CPSF4L: variants seen among roughly 807,000 people sequenced by gnomAD.
CPSF4L encodes the protein cleavage and polyadenylation specific factor 4 like.
In CPSF4L, 18 loss-of-function variants were observed where a neutral mutation model predicts 24.0. The observed-to-expected ratio is 0.75, with a 90% confidence interval of 0.52 to 1.11. The LOEUF (loss-of-function observed/expected upper bound fraction) is 1.11, where lower values mean the gene tolerates loss of function less well. CPSF4L is among the 50% of genes least tolerant of loss of function. The pLI, the probability that CPSF4L is intolerant of heterozygous loss-of-function variation, is 0.00. For missense variants in CPSF4L, 211 were observed against 221.8 expected (o/e 0.95, Z 0.31); for synonymous variants, 72 against 77.2 (o/e 0.93, Z 0.35).
At chr17:73,263,430 G>A (rs1419311972), upstream of CPSF4L, among the ~76,000 whole-genome samples, 4 of 152,146 alleles carry the variant, frequency 2.6e-5, no homozygotes, top group African/African-American at 7.2e-5. Context: ...ATGGAGGCAT[G>A]AGGGGCCCAG....
At chr17:73,253,334 T>A (rs545912721) in intron 4 of CPSF4L, among the ~76,000 whole-genome samples, 1 of 152,332 alleles carries the variant, frequency 6.6e-6, no homozygotes, top group South Asian at 2.1e-4. Context: ...CACTCCAACC[T>A]GGGTGATAGA....
At chr17:73,260,909 G>A in intron 2 of CPSF4L, 24 bp downstream of exon 2, 3 of 1,547,400 alleles carry the variant, frequency 1.9e-6, no homozygotes, top group South Asian at 1.2e-5. Flanking sequence ...CCAGCTTGGG[G>A]CCCAGGCCTG....
At chr17:73,249,104 G>A (rs892152728) in intron 5 of CPSF4L, among the ~76,000 whole-genome samples, 13 of 152,222 alleles carry the variant, frequency 8.5e-5, no homozygotes, top group Middle Eastern at 6.8e-3. Context: ...CAGACATTTG[G>A]TGAGATTAGA....
chr17:73,260,987 G>C lies in CPSF4L; in HGVS notation c.104-4C>G. ...TTGCACACAGCTGAGGCCGACTCTG[G>C]AAGGAGAAGAGGGAACGGAGAAGGT... On this transcript the variant is annotated splice_polypyrimidine_tract_variant and splice_region_variant and intron_variant, in intron 1 of 5. Transcript: ENST00000344935. 6.5e-7 allele frequency: 1 copy of C among 1,549,850 alleles called. No homozygotes were observed. The highest frequency in any genetic ancestry group is 8.7e-7 in the Non-Finnish European group (1 of 1,145,824).
chr17:73,259,125 C>A (rs377485652), intron 2 of CPSF4L, among the ~76,000 whole-genome samples: 1 of 151,832 alleles, frequency 6.6e-6, no homozygotes, highest in African/African-American at 2.4e-5. Flanking sequence ...ACTGTAGCCT[C>A]AACCTCCTAG....
At chr17:73,253,816 T>C in intron 4 of CPSF4L, 115 bp downstream of exon 4, 1 of 625,226 alleles carries the variant, frequency 1.6e-6, no homozygotes, top group Non-Finnish European at 2.8e-6. Context: ...AGAAAGGCCT[T>C]CTATTTGGGG....
chr17:73,257,950 T>C (rs2062030023), intron 2 of CPSF4L, 117 bp from the exon 3 acceptor site: 3 of 1,073,388 alleles, frequency 2.8e-6, no homozygotes, highest in Admixed American at 4.9e-5. Flanking sequence ...GCTGTCCCCT[T>C]ATCCCTTCAC....
chr17:73,259,850 C>A (rs186008922), intron 2 of CPSF4L, among the ~76,000 whole-genome samples: 1 of 152,206 alleles, frequency 6.6e-6, no homozygotes. Context: ...TAAACTCTCA[C>A]ACCAGTGAGA....
chr17:73,260,898 C>T (rs2062042446), intron 2 of CPSF4L, 35 bp downstream of exon 2: 4 of 1,541,268 alleles, frequency 2.6e-6, no homozygotes, highest in Middle Eastern at 1.7e-4. Context: ...CCTACACTCA[C>T]CCAGCTTGGG....
At chr17:73,261,119 G>A in intron 1 of CPSF4L, 136 bp from the exon 2 acceptor site, 1 of 679,726 alleles carries the variant, frequency 1.5e-6, no homozygotes, top group South Asian at 1.8e-5. Context: ...TCTGGGCCCT[G>A]TAGAGGTTAA....
intron 4 of CPSF4L, among the ~76,000 whole-genome samples, chr17:73,253,553 C>T (rs1376156420): frequency 6.6e-6 from 1 of 152,202 alleles, no homozygotes; most frequent in Non-Finnish European, 1.5e-5. Context: ...AAAGGTAGGA[C>T]ATGCTTAAGC....
intron 5 of CPSF4L, among the ~76,000 whole-genome samples, chr17:73,250,461 A>G (rs1008322848): frequency 6.6e-6 from 1 of 152,210 alleles, no homozygotes; most frequent in African/African-American, 2.4e-5. Flanking sequence ...CAGCATCACA[A>G]TCCCAGAGAA....
chr17:73,261,475 CAT>C (rs2062045455), intron 1 of CPSF4L, among the ~76,000 whole-genome samples: 1 of 152,168 alleles, frequency 6.6e-6, no homozygotes, highest in African/African-American at 2.4e-5. Context: ...TCCTGGCTAA[CAT>C]GGTGAAACCC....
Position 73,256,565 on chromosome 17 carries a change from T to C in CPSF4L, c.307+1116A>G, listed in dbSNP as rs140215918. Among the ~76,000 whole-genome samples, 1,005 of 152,308 alleles carry C rather than the reference T, an allele frequency of 6.6e-3. 19 individuals are homozygous for C. Among genetic ancestry groups the C allele is most frequent in the African/African-American group, 0.023 (954 of 41,564 alleles). On this transcript the variant is annotated intron_variant, in intron 3 of 5. Coordinates refer to ENST00000344935, the MANE Select transcript of CPSF4L (RefSeq NM_001129885.1). ...GTAGGTCACTCTTTATGGAATACAG[T>C]TGGAAAACCACTGGACTAGATAATC...
At chr17:73,248,231 A>G, downstream of CPSF4L, 1 of 453,680 alleles carries the variant, frequency 2.2e-6, no homozygotes, top group Non-Finnish European at 4.0e-6. Context: ...AGCTTCATCC[A>G]GAAAGACAAG....
downstream of CPSF4L, chr17:73,247,285 T>G (rs778231019): frequency 2.5e-6 from 4 of 1,614,054 alleles, no homozygotes; most frequent in Non-Finnish European, 3.4e-6. Flanking sequence ...AGTACCTCCA[T>G]GCATTGGTGT....
chr17:73,260,839 C>G, intron 2 of CPSF4L, 94 bp downstream of exon 2: 2 of 987,308 alleles, frequency 2.0e-6, no homozygotes, highest in South Asian at 1.5e-5. Context: ...AAATTCGACA[C>G]CCTATCCCAG....
intron 1 of CPSF4L, among the ~76,000 whole-genome samples, chr17:73,261,436 C>T (rs569174103): frequency 9.2e-5 from 14 of 151,918 alleles, no homozygotes; most frequent in South Asian, 8.3e-4. Flanking sequence ...CCAAGGCGGG[C>T]GGATCACGAG....
chr17:73,255,721 T>C (rs569184973), intron 3 of CPSF4L, among the ~76,000 whole-genome samples: 12 of 152,274 alleles, frequency 7.9e-5, no homozygotes, highest in African/African-American at 2.6e-4. Context: ...GACTCTGGGC[T>C]TGAGCTTTCT....
Sources: gnomAD v4.1 joint callset for allele counts (sites outside exome capture counted in the v4.1 genomes callset) on GRCh38, gnomAD v4.1.1 for gene constraint, MANE v1.5 for transcripts, NCBI Gene and HGNC (gene_info 2026-07-23, HGNC 2026-07-21) for gene names.